IQSEC3: variants seen among roughly 807,000 people sequenced by gnomAD.
IQSEC3 encodes IQ motif and Sec7 domain ArfGEF 3.
IQSEC3 carries 50 observed loss-of-function variants against 105.4 expected under a neutral mutation model. That is an observed-to-expected ratio of 0.47 (90% CI 0.38 to 0.60). IQSEC3 has a LOEUF of 0.60. IQSEC3 is among the 20% of genes least tolerant of loss of function. IQSEC3 has a pLI of 0.00. For missense variants in IQSEC3, 1,415 were observed against 1,630.0 expected (o/e 0.87, Z 2.27); for synonymous variants, 708 against 746.0 (o/e 0.95, Z 0.83).
chr12:134,331 G>T lies in IQSEC3; in HGVS notation c.904-3936G>T, dbSNP rs565524477. On this transcript the variant is annotated intron_variant, in intron 3 of 13. Transcript: ENST00000538872. Reference sequence around the variant, plus strand: ...AGAGGATGTGATGGGACAGATGCAAGAATTTAAAATCTGGTTTTCTTTCCT... The same window carrying T: ...AGAGGATGTGATGGGACAGATGCAATAATTTAAAATCTGGTTTTCTTTCCT... Among the ~76,000 whole-genome samples, 6 of 152,360 alleles carry T rather than the reference G, an allele frequency of 3.9e-5. No individual in the cohort carries two copies. The South Asian group carries it at 1.2e-3, about 32-fold the overall frequency.
chr12:178,419 T>G lies in IQSEC3; in HGVS notation c.*3386T>G, dbSNP rs1430021373. 2 of 152,226 alleles carry G rather than the reference T, an allele frequency of 1.3e-5. No homozygotes were observed. Among genetic ancestry groups the G allele is most frequent in the African/African-American group, 4.8e-5 (2 of 41,464 alleles). The allele number at this position is 152,226 out of a possible 1,614,324, so 9.4% of individuals were successfully genotyped here. On this transcript the variant is annotated 3_prime_UTR_variant, in exon 14 of 14. Coordinates refer to ENST00000538872, the MANE Select transcript of IQSEC3 (RefSeq NM_001170738.2). ...AGAGGTATTTTATCTGTTCAATTCATAGAGTTTTAGAGATTATATTGAAAG... is the reference window on the plus strand; with the variant it reads ...AGAGGTATTTTATCTGTTCAATTCAGAGAGTTTTAGAGATTATATTGAAAG...
At chr12:164,625 T>C (rs990259682) in intron 9 of IQSEC3, 1 of 152,226 alleles carries the variant, frequency 6.6e-6, no homozygotes, top group African/African-American at 2.4e-5. Context: ...TTTGGTTTTG[T>C]TTTTTTGCTG....
intron 3 of IQSEC3, among the ~76,000 whole-genome samples, chr12:129,079 C>G (rs1555084303): frequency 6.6e-6 from 1 of 152,254 alleles, no homozygotes; most frequent in African/African-American, 2.4e-5. Flanking sequence ...TCTGCTCATA[C>G]TTCAGGTCGC....
Position 173,471 on chromosome 12 carries a change from C to T in IQSEC3, c.3115-1128C>T, listed in dbSNP as rs370928952. Reference sequence around the variant, plus strand: ...AGCCAACAAACAGGATGAGGAAATGCTAGTTTAGGGCTCCGGGATAGTTCT... The same window carrying T: ...AGCCAACAAACAGGATGAGGAAATGTTAGTTTAGGGCTCCGGGATAGTTCT... On this transcript the variant is annotated intron_variant, in intron 13 of 13. Transcript: ENST00000538872. 2.6e-5 allele frequency among the ~76,000 whole-genome samples: 4 copies of T among 152,212 alleles called. No individual in the cohort carries two copies. The East Asian group carries it at 7.7e-4, about 29-fold the overall frequency.
rs377552841 is a variant in IQSEC3 at position 107,486 on chromosome 12, T to C, written c.623+8272T>C. ...GTGCAGTGGCACAATCTCGGCTCAC[T>C]GCAAGCTCCGCCTCCCGGGTTCACG... On this transcript the variant is annotated intron_variant, in intron 2 of 13. Transcript: ENST00000538872. Among the ~76,000 whole-genome samples the C allele has an allele frequency of 2.2e-5, 3 of 134,028 alleles. No homozygotes were observed. The Admixed American group carries it at 2.7e-4, about 12-fold the overall frequency. The allele number at this position is 134,028 out of a possible 152,430, so 87.9% of individuals were successfully genotyped here.
At chr12:160,624 G>A (rs1555095904) in intron 7 of IQSEC3, among the ~76,000 whole-genome samples, 1 of 152,150 alleles carries the variant, frequency 6.6e-6, no homozygotes, top group Non-Finnish European at 1.5e-5. Context: ...TTCTGCTGGA[G>A]TGAGGAGGGG....
At chr12:85,495 C>T (rs1863887679) in intron 1 of IQSEC3, among the ~76,000 whole-genome samples, 1 of 152,238 alleles carries the variant, frequency 6.6e-6, no homozygotes, top group Non-Finnish European at 1.5e-5. Context: ...AGAACTAGGC[C>T]TCAAGCTGGG....
chr12:164,830 A>C (rs1555097703), intron 9 of IQSEC3: 1 of 152,312 alleles, frequency 6.6e-6, no homozygotes, highest in African/African-American at 2.4e-5. Flanking sequence ...TAGGGGAGGG[A>C]GATAGAAAAT....
In IQSEC3 at chr12:82,274, T is replaced by C. The variant is rs183559950; in HGVS notation, c.554+14838T>C. On this transcript the variant is annotated intron_variant, in intron 1 of 13. Transcript: ENST00000538872. ...TACATTGTGGGTGAAATGATATTTC[T>C]GGGGCTTGCTTTATAACACTGTAGC... Among the ~76,000 whole-genome samples, 4 of 152,328 alleles carry C rather than the reference T, an allele frequency of 2.6e-5. No individual in the cohort carries two copies. In the East Asian group the frequency reaches 7.7e-4, roughly 29 times the overall value.
chr12:89,964 A>C (rs1555072972), intron 1 of IQSEC3, among the ~76,000 whole-genome samples: 1 of 152,216 alleles, frequency 6.6e-6, no homozygotes, highest in Non-Finnish European at 1.5e-5. Flanking sequence ...GTATATGATA[A>C]ATGTATGTTT....
At chr12:110,783 A>C (rs1358899856) in intron 2 of IQSEC3, among the ~76,000 whole-genome samples, 3 of 152,026 alleles carry the variant, frequency 2.0e-5, no homozygotes, top group Non-Finnish European at 2.9e-5. Context: ...TTCTTTTTAG[A>C]ATTCTGAACC....
chr12:161,626 G>A (rs901803090), intron 7 of IQSEC3, among the ~76,000 whole-genome samples: 1 of 152,188 alleles, frequency 6.6e-6, no homozygotes, highest in East Asian at 1.9e-4. Flanking sequence ...CAGGAACATG[G>A]AGGCTGTATC....
At chr12:160,916 C>T (rs544227936) in intron 7 of IQSEC3, among the ~76,000 whole-genome samples, 3 of 152,240 alleles carry the variant, frequency 2.0e-5, no homozygotes, top group East Asian at 1.9e-4. Context: ...TCCTTTCTCC[C>T]GAGTATTCAG....
At chr12:163,821 C>G (rs1867040222) in intron 9 of IQSEC3, among the ~76,000 whole-genome samples, 3 of 152,142 alleles carry the variant, frequency 2.0e-5, no homozygotes. Context: ...TAATTCCTAC[C>G]TCATAAGTCA....
At chr12:91,772 C>A (rs1314950250) in intron 1 of IQSEC3, among the ~76,000 whole-genome samples, 1 of 151,926 alleles carries the variant, frequency 6.6e-6, no homozygotes, top group African/African-American at 2.4e-5. Context: ...TGGAGTGAGA[C>A]CCTGTCTCAA....
chr12:103,755 T>TC (rs1343257144), intron 2 of IQSEC3, among the ~76,000 whole-genome samples: 38 of 1,770 alleles, frequency 0.021, 1 homozygote, highest in South Asian at 0.19. Flanking sequence ...GAGGCAGGGC[T>TC]GGGGGGAGGT....
intron 1 of IQSEC3, among the ~76,000 whole-genome samples, chr12:75,153 T>C (rs2650209): frequency 6.6e-6 from 1 of 152,288 alleles, no homozygotes; most frequent in Non-Finnish European, 1.5e-5. Flanking sequence ...TTATTCTTAT[T>C]AGTCTTTTAT....
chr12:118,785 C>T (rs575613192), intron 2 of IQSEC3, among the ~76,000 whole-genome samples: 4 of 152,318 alleles, frequency 2.6e-5, no homozygotes, highest in African/African-American at 4.8e-5. Context: ...TCCTCCTCCC[C>T]CTCCTCTCCT....
chr12:126,916 A>T (rs543982533), intron 3 of IQSEC3, among the ~76,000 whole-genome samples: 2 of 152,332 alleles, frequency 1.3e-5, no homozygotes, highest in East Asian at 3.9e-4. Context: ...TGCCAAGCTC[A>T]TATCCTGGCT....
Sources: gnomAD v4.1 joint callset for allele counts (sites outside exome capture counted in the v4.1 genomes callset) on GRCh38, gnomAD v4.1.1 for gene constraint, MANE v1.5 for transcripts, NCBI Gene and HGNC (gene_info 2026-07-23, HGNC 2026-07-21) for gene names.